The following ARSH variants were observed in gnomAD, a reference collection of about 807,000 sequenced individuals.
ARSH encodes the protein arylsulfatase H.
In ARSH, 32 loss-of-function variants were observed where a neutral mutation model predicts 28.7. The observed-to-expected ratio is 1.11, with a 90% CI of 0.84 to 1.50. The LOEUF (loss-of-function observed/expected upper bound fraction) is 1.50, where lower values mean the gene tolerates loss of function less well. Ranked by LOEUF, ARSH falls within the 40% of genes most tolerant of loss-of-function variation. The pLI is 0.00. For missense variants in ARSH, 440 were observed against 452.4 expected, an observed-to-expected ratio of 0.97 and a Z score of 0.25; for synonymous variants, 176 against 177.3, an observed-to-expected ratio of 0.99 and a Z score of 0.06.
At chrX:3,020,572 G>C (rs1449981334) in intron 5 of ARSH, among the ~76,000 whole-genome samples, 1 of 74,857 alleles carries the variant, frequency 1.3e-5, no homozygotes, top group Non-Finnish European at 2.3e-5. Context: ...CTGGGCGACA[G>C]AGCCAGACTC....
intron 1 of ARSH, among the ~76,000 whole-genome samples, chrX:3,007,155 A>C (rs1279492272): frequency 9.1e-6 from 1 of 109,572 alleles, no homozygotes; most frequent in East Asian, 2.9e-4. Flanking sequence ...AGGCTGGGGC[A>C]GGAGGATTGC....
intron 5 of ARSH, among the ~76,000 whole-genome samples, chrX:3,022,871 T>G (rs1335434893): frequency 9.0e-6 from 1 of 111,056 alleles, no homozygotes; most frequent in Non-Finnish European, 1.9e-5. Context: ...GCTTTGCTCA[T>G]ATGTTCCTGG....
intron 4 of ARSH, 53 bp from the exon 5 acceptor site, chrX:3,018,481 T>C (rs1395092792): frequency 1.6e-5 from 19 of 1,161,592 alleles, no homozygotes; most frequent in Non-Finnish European, 2.2e-5. Flanking sequence ...ATTTAAATGA[T>C]GGAAATGACT....
intron 7 of ARSH, 152 bp from the exon 8 acceptor site, chrX:3,029,095 A>G: frequency 1.5e-6 from 1 of 664,657 alleles, no homozygotes. Flanking sequence ...AAAAAAAAGA[A>G]AAAAGAAATT....
At chrX:3,026,647 G>A (rs2089899501) in intron 6 of ARSH, among the ~76,000 whole-genome samples, 1 of 111,388 alleles carries the variant, frequency 9.0e-6, no homozygotes, top group African/African-American at 3.3e-5. Flanking sequence ...CTTACGGCAA[G>A]GGCTTCATTT....
At chrX:3,024,286 C>T in intron 6 of ARSH, 131 bp downstream of exon 6, 3 of 720,779 alleles carry the variant, frequency 4.2e-6, no homozygotes, top group Non-Finnish European at 5.5e-6. Context: ...TTAAGCTAGA[C>T]CGAAAAAAAA....
At chrX:3,017,087 G>A (rs1212412599) in intron 4 of ARSH, among the ~76,000 whole-genome samples, 5 of 110,786 alleles carry the variant, frequency 4.5e-5, no homozygotes. Context: ...ACACAACCAT[G>A]AGAACAGTGA....
In ARSH at chrX:3,015,309, G is replaced by C; in HGVS notation, c.680G>C (p.Arg227Thr). The C allele has an allele frequency of 1.7e-6, 2 of 1,211,716 alleles. No individual in the cohort carries two copies. Among genetic ancestry groups the C allele is most frequent in the Non-Finnish European group, 2.2e-6 (2 of 895,454 alleles). ...FTRRWNCILM[R>T]NHEIIQQPMK... Reference sequence around the variant, plus strand: ...CGACGTTGGAATTGCATCCTTATGAGGAACCATGAAATTATCCAGCAGCCA... The same window carrying C: ...CGACGTTGGAATTGCATCCTTATGACGAACCATGAAATTATCCAGCAGCCA... The change falls in exon 4 of 9, where the codon AGG (arginine) becomes ACG (threonine). Residue 227 changes from arginine (R) to threonine (T), a missense_variant. By Grantham distance (71) the Arg-to-Thr change is moderately conservative (BLOSUM62 -1). Transcript: ENST00000381130.
chrX:3,006,769 T>C, intron 1 of ARSH, 65 bp downstream of exon 1: 1 of 940,134 alleles, frequency 1.1e-6, no homozygotes, highest in Non-Finnish European at 1.5e-6. Context: ...GTTCACGTCT[T>C]TGCCGTTGCA....
In ARSH at chrX:3,033,548, GT is replaced by G; in HGVS notation, c.*164del. On this transcript the variant is annotated 3_prime_UTR_variant, in exon 9 of 9. Coordinates refer to ENST00000381130, the MANE Select transcript of ARSH (RefSeq NM_001011719.2). ...CTTTCAAGAGCTCGGTGAAATTAAA[GT>G]GGGCCCATATAACAGTGAACCTGGA... The G allele has an allele frequency of 3.8e-6, 2 of 532,803 alleles. No homozygotes were observed. The highest frequency in any genetic ancestry group is 4.5e-5 in the South Asian group (1 of 22,211). 43.9% of individuals were successfully genotyped at this position (532,803 alleles called of 1,213,427 possible). A position where few individuals can be genotyped will look rare whatever the true frequency, so the allele number is the denominator to read the frequency against.
At chrX:3,031,655 T>G (rs1299219853) in intron 8 of ARSH, among the ~76,000 whole-genome samples, 1 of 111,823 alleles carries the variant, frequency 8.9e-6, no homozygotes, top group Non-Finnish European at 1.9e-5. Context: ...TAAAAATCTA[T>G]GTTTTTAAGA....
At position 3,027,468 on chromosome X, in the gene ARSH, CAG is replaced by C. The variant is rs1426379513; in HGVS notation, c.1193_1194del (p.Gln398ArgfsTer5). On this transcript the variant is annotated frameshift_variant, in exon 7 of 9. Transcript: ENST00000381130. LOFTEE classifies it high-confidence loss of function. ...TTATATAGGCGGAGGGATCTTGTCC[CAG>C]GACAGGTATGGAAACAGTGTTTGCT... ...LSYIGGGILS[Q>X]DRVIDGQNLM... The C allele has an allele frequency of 3.3e-6, 4 of 1,209,832 alleles. No homozygotes were observed. The highest frequency in any genetic ancestry group is 4.5e-6 in the Non-Finnish European group (4 of 894,535).
At chrX:3,021,224 C>T (rs1211020802) in intron 5 of ARSH, among the ~76,000 whole-genome samples, 2 of 110,219 alleles carry the variant, frequency 1.8e-5, no homozygotes, top group Non-Finnish European at 3.8e-5. Flanking sequence ...GACAGTTTCC[C>T]GTAAAGGGAT....
Position 3,018,645 on chromosome X carries a change from T to C in ARSH, c.876T>C (p.Asn292=), listed in dbSNP as rs372504842. ...GRSKYGRYGD[N]VEEMDWMVGK... ...GTAAATATGGCAGGTATGGGGACAATGTAGAAGAAATGGATTGGATGGTGG... is the reference window on the plus strand; with the variant it reads ...GTAAATATGGCAGGTATGGGGACAACGTAGAAGAAATGGATTGGATGGTGG... Residue 292 remains asparagine (N), a synonymous_variant, in exon 5 of 9, where the codon AAT becomes AAC. Transcript: ENST00000381130. 1 of 1,208,358 alleles carries C rather than the reference T, an allele frequency of 8.3e-7. No individual in the cohort carries two copies. Among genetic ancestry groups the C allele is most frequent in the African/African-American group, 1.8e-5 (1 of 56,889 alleles).
At chrX:3,009,578 C>A (rs1345476190) in intron 1 of ARSH, among the ~76,000 whole-genome samples, 2 of 110,665 alleles carry the variant, frequency 1.8e-5, no homozygotes, top group Non-Finnish European at 3.8e-5. Context: ...ATCACTTGAG[C>A]CCAGGGAATT....
At chrX:3,009,887 G>C in intron 1 of ARSH, 143 bp from the exon 2 acceptor site, 5 of 675,270 alleles carry the variant, frequency 7.4e-6, no homozygotes, top group Non-Finnish European at 1.1e-5. Context: ...TAAGGAAATA[G>C]ACAGATTAAA....
At position 3,006,640 on chromosome X, in the gene ARSH, G is replaced by A; in HGVS notation, c.28G>A (p.Val10Ile). MTRNARPNI[V>I]LLMADDLGVG... Reference sequence around the variant, plus strand: ...GACAAGAAACGCCAGACCCAACATTGTCCTGCTGATGGCAGATGACCTTGG... The same window carrying A: ...GACAAGAAACGCCAGACCCAACATTATCCTGCTGATGGCAGATGACCTTGG... Residue 10 changes from valine to isoleucine, a missense_variant, in exon 1 of 9, where the codon GTC becomes ATC. Coordinates refer to ENST00000381130, the MANE Select transcript of ARSH (RefSeq NM_001011719.2). 1 of 1,211,280 alleles carries A rather than the reference G, an allele frequency of 8.3e-7. No individual in the cohort carries two copies. Among genetic ancestry groups the A allele is most frequent in the Non-Finnish European group, 1.1e-6 (1 of 895,295 alleles).
At chrX:3,022,534 A>T (rs961284033) in intron 5 of ARSH, among the ~76,000 whole-genome samples, 3 of 112,032 alleles carry the variant, frequency 2.7e-5, no homozygotes, top group Non-Finnish European at 5.6e-5. Context: ...ATCTAGTGTA[A>T]ACTAGAAATG....
intron 7 of ARSH, among the ~76,000 whole-genome samples, chrX:3,027,885 T>C (rs905602343): frequency 1.4e-4 from 16 of 111,449 alleles, no homozygotes; most frequent in African/African-American, 5.2e-4. Context: ...GCGGATCACT[T>C]GAAGTCAGGA....
Sources: allele counts gnomAD v4.1 joint callset (sites outside exome capture counted in the v4.1 genomes callset), GRCh38; gene constraint gnomAD v4.1.1; transcripts MANE v1.5; gene names NCBI Gene and HGNC (gene_info 2026-07-23, HGNC 2026-07-21).